The following LGR5 variants were observed in gnomAD, a reference collection of about 807,000 sequenced individuals.
LGR5 encodes leucine-rich repeat-containing G protein-coupled receptor 5.
LGR5 carries 54 observed loss-of-function variants against 76.7 expected under a neutral mutation model. The observed-to-expected ratio is 0.70, with a 90% confidence interval of 0.57 to 0.88. LGR5 has a LOEUF of 0.88. Among genes scored for constraint, LGR5 ranks in the 40% least tolerant of loss-of-function variants. LGR5 has a pLI of 0.00. For synonymous variants in LGR5, 406 were observed against 421.9 expected, an observed-to-expected ratio of 0.96 and a Z score of 0.46; for missense variants, 1,078 against 1,073.3, an observed-to-expected ratio of 1.00 and a Z score of -0.06.
intron 1 of LGR5, among the ~76,000 whole-genome samples, chr12:71,442,971 T>C (rs1251709317): frequency 6.6e-6 from 1 of 152,192 alleles, no homozygotes; most frequent in East Asian, 1.9e-4. Context: ...CCAGTAGAAA[T>C]TAAGCCTTGA....
intron 1 of LGR5, among the ~76,000 whole-genome samples, chr12:71,463,350 T>C (rs767628182): frequency 3.3e-5 from 5 of 152,200 alleles, no homozygotes; most frequent in Admixed American, 6.5e-5. Flanking sequence ...GACTGTATAT[T>C]CTCTTAGCTT....
At chr12:71,495,855 C>G (rs901697438) in intron 1 of LGR5, among the ~76,000 whole-genome samples, 1 of 147,580 alleles carries the variant, frequency 6.8e-6, no homozygotes, top group Non-Finnish European at 1.5e-5. Context: ...TTAGCCCTTT[C>G]CTTACTTATC....
intron 15 of LGR5, 63 bp downstream of exon 15, chr12:71,578,992 T>G: frequency 6.9e-7 from 1 of 1,439,658 alleles, no homozygotes; most frequent in South Asian, 1.4e-5. Context: ...AGATGTATTA[T>G]AGTGGTGTTC....
chr12:71,546,155 A>G (rs946668030), intron 4 of LGR5, among the ~76,000 whole-genome samples: 2 of 152,022 alleles, frequency 1.3e-5, no homozygotes, highest in African/African-American at 4.8e-5. Context: ...TCTACTAAAA[A>G]TACAAAAAAA....
chr12:71,509,598 G>A (rs1875044006), intron 2 of LGR5, among the ~76,000 whole-genome samples: 1 of 152,194 alleles, frequency 6.6e-6, no homozygotes, highest in African/African-American at 2.4e-5. Flanking sequence ...CCATCAGAGT[G>A]TAGTAGAGAT....
At position 71,585,117 on chromosome 12, in the gene LGR5, C is replaced by T. The variant is rs1879266973; in HGVS notation, c.*383C>T. On this transcript the variant is annotated 3_prime_UTR_variant, in exon 18 of 18. Coordinates refer to ENST00000266674, the MANE Select transcript of LGR5 (RefSeq NM_003667.4). ...CTTTCCAAATGGGTTTATTTAAACC[C>T]ACAAACTCAAGAGGTTGTTGGGGGA... The T allele has an allele frequency of 5.8e-6, 1 of 172,772 alleles. No individual in the cohort carries two copies. Among genetic ancestry groups the T allele is most frequent in the Admixed American group, 5.6e-5 (1 of 17,750 alleles). The allele number at this position is 172,772 out of a possible 1,614,324, so 10.7% of individuals were successfully genotyped here. A position where few individuals can be genotyped will look rare whatever the true frequency, so the allele number is the denominator to read the frequency against.
chr12:71,553,051 T>G (rs1877569932), intron 4 of LGR5, 22 bp from the exon 5 acceptor site: 1 of 1,610,258 alleles, frequency 6.2e-7, no homozygotes, highest in East Asian at 2.2e-5. Flanking sequence ...TCTTTTCCAT[T>G]CTTGCTTTCT....
chr12:71,447,571 T>C (rs1326893802), intron 1 of LGR5, among the ~76,000 whole-genome samples: 2 of 152,190 alleles, frequency 1.3e-5, no homozygotes, highest in African/African-American at 4.8e-5. Context: ...ATATGCACAT[T>C]TTCCACACAC....
rs1327941350 is a variant in LGR5, at chr12:71,585,657, G to A, written c.*923G>A. ...GATGTGCATCTTAATGATCAAATGT[G>A]CACATTACATAAATTAAGTCCACTG... On this transcript the variant is annotated 3_prime_UTR_variant, in exon 18 of 18. Coordinates refer to ENST00000266674, the MANE Select transcript of LGR5 (RefSeq NM_003667.4). The A allele has an allele frequency of 6.6e-6, 1 of 152,132 alleles. No homozygotes were observed. The highest frequency in any genetic ancestry group is 1.5e-5 in the Non-Finnish European group (1 of 68,032). 9.4% of individuals were successfully genotyped at this position (152,132 alleles called of 1,614,324 possible).
At chr12:71,445,937 C>T (rs985152214) in intron 1 of LGR5, among the ~76,000 whole-genome samples, 3 of 152,074 alleles carry the variant, frequency 2.0e-5, no homozygotes, top group South Asian at 2.1e-4. Flanking sequence ...AACTCCTGAC[C>T]GTGTAAACAA....
chr12:71,578,681 G>A, intron 14 of LGR5, 123 bp from the exon 15 acceptor site: 3 of 954,874 alleles, frequency 3.1e-6, no homozygotes, highest in Non-Finnish European at 4.5e-6. Flanking sequence ...ACCATTAAGA[G>A]TAAGGACCCT....
At chr12:71,524,328 T>C (rs1875872917) in intron 2 of LGR5, 78 bp from the exon 3 acceptor site, 2 of 1,016,898 alleles carry the variant, frequency 2.0e-6, no homozygotes, top group African/African-American at 1.6e-5. Flanking sequence ...CATAGTTGTA[T>C]TGCATTTTTT....
At chr12:71,530,144 A>T (rs1422485964) in intron 3 of LGR5, among the ~76,000 whole-genome samples, 2 of 152,134 alleles carry the variant, frequency 1.3e-5, no homozygotes, top group African/African-American at 4.8e-5. Context: ...TTTTCTTTGA[A>T]ATAATGTGTG....
chr12:71,548,324 TGC>T (rs1314641817), intron 4 of LGR5, among the ~76,000 whole-genome samples: 1 of 151,790 alleles, frequency 6.6e-6, no homozygotes, highest in Non-Finnish European at 1.5e-5. Flanking sequence ...TGTGTGTGTG[TGC>T]GTAGATACAT....
At chr12:71,561,262 G>C (rs1878043335) in intron 7 of LGR5, among the ~76,000 whole-genome samples, 1 of 152,162 alleles carries the variant, frequency 6.6e-6, no homozygotes, top group Non-Finnish European at 1.5e-5. Context: ...CAGCCATTCA[G>C]ACAACATCAA....
At chr12:71,490,037 G>A (rs1873996475) in intron 1 of LGR5, among the ~76,000 whole-genome samples, 1 of 151,988 alleles carries the variant, frequency 6.6e-6, no homozygotes, top group Admixed American at 6.6e-5. Flanking sequence ...GGCTGAGGTG[G>A]GAGCATCACT....
At chr12:71,531,659 G>A (rs1236016199) in intron 3 of LGR5, among the ~76,000 whole-genome samples, 1 of 152,094 alleles carries the variant, frequency 6.6e-6, no homozygotes, top group Non-Finnish European at 1.5e-5. Context: ...TTTGAGGTCA[G>A]GAGTTCAAGA....
intron 2 of LGR5, among the ~76,000 whole-genome samples, chr12:71,519,658 AC>A (rs1565714955): frequency 1.3e-5 from 2 of 151,100 alleles, no homozygotes; most frequent in Non-Finnish European, 2.9e-5. Flanking sequence ...AAAACAAAAA[AC>A]AAAAAAAACC....
In LGR5 at chr12:71,570,088, G is replaced by C. The variant is rs886382625; in HGVS notation, c.1071-1426G>C. ...AACCAAACATTGCAAGTTCTCACTT[G>C]CAAGTGGGAGCTGAGCAATGAGAAC... On this transcript the variant is annotated intron_variant, in intron 11 of 17. Coordinates refer to ENST00000266674, the MANE Select transcript of LGR5 (RefSeq NM_003667.4). Among the ~76,000 whole-genome samples the C allele has an allele frequency of 2.0e-5, 3 of 152,110 alleles. No homozygotes were observed. The South Asian group carries it at 6.2e-4, about 31-fold the overall frequency.
Sources: gnomAD v4.1 joint callset for allele counts (sites outside exome capture counted in the v4.1 genomes callset) on GRCh38, gnomAD v4.1.1 for gene constraint, MANE v1.5 for transcripts, NCBI Gene and HGNC (gene_info 2026-07-23, HGNC 2026-07-21) for gene names.